Variants in LRRTM2 observed in about 807,000 individuals in gnomAD.
The protein encoded by LRRTM2 is leucine-rich repeat transmembrane neuronal protein 2.
LRRTM2 carries 14 observed loss-of-function variants against 40.7 expected under a neutral mutation model. That is an observed-to-expected ratio of 0.34 (90% CI 0.23 to 0.54). LRRTM2 has a LOEUF of 0.54. Among genes scored for constraint, LRRTM2 ranks in the 20% least tolerant of loss-of-function variants. LRRTM2 has a pLI of 0.92. For synonymous variants in LRRTM2, 223 were observed against 237.6 expected, an observed-to-expected ratio of 0.94 and a Z score of 0.57; for missense variants, 468 against 624.4, an observed-to-expected ratio of 0.75 and a Z score of 2.67.
In LRRTM2 at chr5:138,870,113, G is replaced by A. The variant is rs528239826; in HGVS notation, c.*2897C>T. 106 of 152,276 alleles carry A rather than the reference G, an allele frequency of 7.0e-4. No homozygotes were observed. The highest frequency in any genetic ancestry group is 2.5e-3 in the African/African-American group (102 of 41,560). The allele number at this position is 152,276 out of a possible 1,614,324, so 9.4% of individuals were successfully genotyped here. A position where few individuals can be genotyped will look rare whatever the true frequency, so the allele number is the denominator to read the frequency against. The stretch of plus-strand genomic sequence containing the variant: ...CTAATCTTAAAAATAGAAAAAAAAT[G>A]GAGTGGGTAGTGGTGGTGAAGAGGA... On this transcript the variant is annotated 3_prime_UTR_variant, in exon 2 of 2. Coordinates refer to ENST00000274711, the MANE Select transcript of LRRTM2 (RefSeq NM_015564.3).
chr5:138,874,691 G>T lies in LRRTM2; in HGVS notation c.5-135C>A. ...GCATATAACTTATTTTTCATTTACT[G>T]CAGAAAAATTAACCTTATTGGTATG... On this transcript the variant is annotated intron_variant, in intron 1 of 1. Transcript: ENST00000274711. This position sits in a 1 kb window ranked among gnomAD's most constrained non-coding sequence, Gnocchi z 4.1. 1 of 742,934 alleles carries T rather than the reference G, an allele frequency of 1.3e-6. No individual in the cohort carries two copies. Among genetic ancestry groups the T allele is most frequent in the Non-Finnish European group, 2.1e-6 (1 of 467,618 alleles). 46.0% of individuals were successfully genotyped at this position (742,934 alleles called of 1,614,324 possible). A position where few individuals can be genotyped will look rare whatever the true frequency, so the allele number is the denominator to read the frequency against.
chr5:138,873,370 G>A lies in LRRTM2; in HGVS notation c.1191C>T (p.Ile397=). 1 of 1,614,028 alleles carries A rather than the reference G, an allele frequency of 6.2e-7. No individual in the cohort carries two copies. Among genetic ancestry groups the A allele is most frequent in the South Asian group, 1.1e-5 (1 of 91,086 alleles). ...SSSYHVGDKE[I]PTTAGIAVTT... ...TAACTGCTATGCCTGCAGTAGTTGG[G>A]ATTTCTTTGTCTCCCACATGGTAAC... The change falls in exon 2 of 2, where the codon ATC becomes ATT. Residue 397 remains isoleucine (I), a synonymous_variant. Coordinates refer to ENST00000274711, the MANE Select transcript of LRRTM2 (RefSeq NM_015564.3). The surrounding 1 kb of genome is among the most constrained non-coding windows in gnomAD (Gnocchi z 6.1).
In LRRTM2 at chr5:138,873,268, C is replaced by T. The variant is rs747557733; in HGVS notation, c.1293G>A (p.Leu431=). Residue 431 remains leucine, a synonymous_variant, in exon 2 of 2, where the codon TTG becomes TTA. Transcript: ENST00000274711. This position sits in a 1 kb window ranked among gnomAD's most constrained non-coding sequence, Gnocchi z 6.1. ...QRVITGTMAL[L]FSFFFIIFIV... The stretch of plus-strand genomic sequence containing the variant: ...TAAAAATAATAAAAAAGAAAGAAAA[C>T]AATAAAGCCATTGTTCCCGTAATTA... 1 of 1,613,880 alleles carries T rather than the reference C, an allele frequency of 6.2e-7. No individual in the cohort carries two copies. The highest frequency in any genetic ancestry group is 8.5e-7 in the Non-Finnish European group (1 of 1,179,804).
chr5:138,873,041 T>C lies in LRRTM2; in HGVS notation c.1520A>G (p.Gln507Arg), dbSNP rs1317878696. The C allele has an allele frequency of 3.7e-6, 6 of 1,607,902 alleles. No individual in the cohort carries two copies. Among genetic ancestry groups the C allele is most frequent in the Non-Finnish European group, 5.1e-6 (6 of 1,177,028 alleles). The change falls in exon 2 of 2, where the codon CAG becomes CGG. Residue 507 changes from glutamine to arginine, a missense_variant. Coordinates refer to ENST00000274711, the MANE Select transcript of LRRTM2 (RefSeq NM_015564.3). The surrounding 1 kb of genome is among the most constrained non-coding windows in gnomAD (Gnocchi z 6.1). ...IINGYGQCKCQQLPYKECEV is the reference protein window; with the variant it reads ...IINGYGQCKCRQLPYKECEV ...TTCACATTCTTTGTATGGCAGCTGC[T>C]GACACTTGCACTGTCCATAACCATT...
rs1581373355 is a variant in LRRTM2, at chr5:138,872,043, TGTGTGTGTGTGTGTGTGTGTGTGTGC to T, written c.*941_*966del. On this transcript the variant is annotated 3_prime_UTR_variant, in exon 2 of 2. Coordinates refer to ENST00000274711, the MANE Select transcript of LRRTM2 (RefSeq NM_015564.3). The stretch of plus-strand genomic sequence containing the variant: ...GAGCGCGAGAGTGTGTGTGTGTGTG[TGTGTGTGTGTGTGTGTGTGTGTGTGC>T]GCTTTTAAATTGGAGGGAGCATGTC... The T allele has an allele frequency of 7.4e-6, 1 of 134,240 alleles. No homozygotes were observed. 8.3% of individuals were successfully genotyped at this position (134,240 alleles called of 1,614,324 possible). A position where few individuals can be genotyped will look rare whatever the true frequency, so the allele number is the denominator to read the frequency against.
In LRRTM2 at chr5:138,873,924, C is replaced by T. The variant is rs544871026; in HGVS notation, c.637G>A (p.Glu213Lys). 6.2e-7 allele frequency: 1 copy of T among 1,613,980 alleles called. No homozygotes were observed. The highest frequency in any genetic ancestry group is 2.2e-5 in the East Asian group (1 of 44,880). ...TTAATCTTCGTCAGCTGGTTGTGCT[C>T]TAGGTGAAGCTCTCTCAGTTTAATT... Reference protein sequence around the residue: ...GLIKLRELHLEHNQLTKINFA... With the variant: ...GLIKLRELHLKHNQLTKINFA... Residue 213 changes from glutamate (E) to lysine (K), a missense_variant, in exon 2 of 2, where the codon GAG (glutamate) becomes AAG (lysine). By Grantham distance (56) the Glu-to-Lys change is moderately conservative (BLOSUM62 1). Transcript: ENST00000274711. This position sits in a 1 kb window ranked among gnomAD's most constrained non-coding sequence, Gnocchi z 6.1.
rs757429405 is a variant in LRRTM2, at chr5:138,874,038, G to A, written c.523C>T (p.Arg175Cys). 4 of 1,613,838 alleles carry A rather than the reference G, an allele frequency of 2.5e-6. No homozygotes were observed. Among genetic ancestry groups the A allele is most frequent in the Non-Finnish European group, 2.5e-6 (3 of 1,179,884 alleles). The change falls in exon 2 of 2, where the codon CGC becomes TGC. Residue 175 changes from arginine to cysteine, a missense_variant. Coordinates refer to ENST00000274711, the MANE Select transcript of LRRTM2 (RefSeq NM_015564.3). This position sits in a 1 kb window ranked among gnomAD's most constrained non-coding sequence, Gnocchi z 4.1. Reference sequence around the variant, plus strand: ...AGACTACGACAGTCCCAGAACAGGCGTACTGGGATAGTCCGCAGGGAGTTG... The same window carrying A: ...AGACTACGACAGTCCCAGAACAGGCATACTGGGATAGTCCGCAGGGAGTTG... ...RSNSLRTIPV[R>C]LFWDCRSLEF...
Position 138,874,044 on chromosome 5 carries a change from G to T in LRRTM2, c.517C>A (p.Pro173Thr). The change falls in exon 2 of 2, where the codon CCA becomes ACA. Residue 173 changes from proline to threonine, a missense_variant. By Grantham distance (38) the Pro-to-Thr change is conservative (BLOSUM62 -1). Coordinates refer to ENST00000274711, the MANE Select transcript of LRRTM2 (RefSeq NM_015564.3). This position sits in a 1 kb window ranked among gnomAD's most constrained non-coding sequence, Gnocchi z 4.1. ...HLRSNSLRTI[P>T]VRLFWDCRSL... ...CGACAGTCCCAGAACAGGCGTACTG[G>T]GATAGTCCGCAGGGAGTTGGAACGT... 1 of 1,613,922 alleles carries T rather than the reference G, an allele frequency of 6.2e-7. No homozygotes were observed. The highest frequency in any genetic ancestry group is 8.5e-7 in the Non-Finnish European group (1 of 1,179,864).
Position 138,873,040 on chromosome 5 carries a change from C to T in LRRTM2, c.1521G>A (p.Gln507=), listed in dbSNP as rs752848652. The part of the protein sequence containing the change: ...IINGYGQCKC[Q]QLPYKECEV ...CTTCACATTCTTTGTATGGCAGCTG[C>T]TGACACTTGCACTGTCCATAACCAT... The change falls in exon 2 of 2, where the codon CAG becomes CAA. Residue 507 remains glutamine, a synonymous_variant. Transcript: ENST00000274711. The surrounding 1 kb of genome is among the most constrained non-coding windows in gnomAD (Gnocchi z 6.1). 13 of 1,608,020 alleles carry T rather than the reference C, an allele frequency of 8.1e-6. No homozygotes were observed. The South Asian group carries it at 1.4e-4, about 18-fold the overall frequency.
chr5:138,874,962 G>A lies in LRRTM2; in HGVS notation c.-51C>T, dbSNP rs1015288384. 30 of 1,607,288 alleles carry A rather than the reference G, an allele frequency of 1.9e-5. No individual in the cohort carries two copies. Among genetic ancestry groups the A allele is most frequent in the Non-Finnish European group, 2.4e-5 (28 of 1,175,048 alleles). ...TTCAGTCGCGGTTGTTAGACTCAAC[G>A]CAGTGAGTCTGTAAAAGGCTCTAAC... On this transcript the variant is annotated 5_prime_UTR_variant, in exon 1 of 2. Transcript: ENST00000274711. This position sits in a 1 kb window ranked among gnomAD's most constrained non-coding sequence, Gnocchi z 4.1.
At position 138,871,002 on chromosome 5, in the gene LRRTM2, A is replaced by G. The variant is rs1251846829; in HGVS notation, c.*2008T>C. The G allele has an allele frequency of 1.3e-5, 2 of 152,208 alleles. No homozygotes were observed. Among genetic ancestry groups the G allele is most frequent in the African/African-American group, 4.8e-5 (2 of 41,460 alleles). 9.4% of individuals were successfully genotyped at this position (152,208 alleles called of 1,614,324 possible). A position where few individuals can be genotyped will look rare whatever the true frequency, so the allele number is the denominator to read the frequency against. ...ACAAACTAATCTGCCCACCTTAAAA[A>G]AGAGCACATTTTTACTGTAATTTGT... is the stretch of plus-strand genomic sequence containing the variant. On this transcript the variant is annotated 3_prime_UTR_variant, in exon 2 of 2. Transcript: ENST00000274711.
At position 138,873,211 on chromosome 5, in the gene LRRTM2, G is replaced by C; in HGVS notation, c.1350C>G (p.Pro450=). 6.2e-7 allele frequency: 1 copy of C among 1,613,844 alleles called. No individual in the cohort carries two copies. The highest frequency in any genetic ancestry group is 8.5e-7 in the Non-Finnish European group (1 of 1,179,822). The change falls in exon 2 of 2, where the codon CCC becomes CCG. Residue 450 remains proline (P), a synonymous_variant. Transcript: ENST00000274711. This position sits in a 1 kb window ranked among gnomAD's most constrained non-coding sequence, Gnocchi z 6.1. ...AGCACTGCCTAATTCTTCTTAAAGT[G>C]GGAGGGCAGCACTTCCTGGAGATGA... ...IVFISRKCCP[P]TLRRIRQCSM... is the part of the protein sequence containing the mutation.
In LRRTM2 at chr5:138,874,685, T is replaced by C; in HGVS notation, c.5-129A>G. 7.9e-6 allele frequency: 6 copies of C among 754,826 alleles called. No homozygotes were observed. The highest frequency in any genetic ancestry group is 1.3e-5 in the Non-Finnish European group (6 of 478,088). The allele number at this position is 754,826 out of a possible 1,614,324, so 46.8% of individuals were successfully genotyped here. A position where few individuals can be genotyped will look rare whatever the true frequency, so the allele number is the denominator to read the frequency against. ...TTCACTGCATATAACTTATTTTTCA[T>C]TTACTGCAGAAAAATTAACCTTATT... On this transcript the variant is annotated intron_variant, in intron 1 of 1. Coordinates refer to ENST00000274711, the MANE Select transcript of LRRTM2 (RefSeq NM_015564.3). This position sits in a 1 kb window ranked among gnomAD's most constrained non-coding sequence, Gnocchi z 4.1.
Position 138,873,302 on chromosome 5 carries a change from G to A in LRRTM2, c.1259C>T (p.Thr420Ile). 3.1e-6 allele frequency: 5 copies of A among 1,614,072 alleles called. No homozygotes were observed. Among genetic ancestry groups the A allele is most frequent in the Non-Finnish European group, 4.2e-6 (5 of 1,179,904 alleles). The change falls in exon 2 of 2, where the codon ACT becomes ATT. Residue 420 changes from threonine (T) to isoleucine (I), a missense_variant. Thr to Ile is a moderately conservative substitution (Grantham distance 89). Transcript: ENST00000274711. This position sits in a 1 kb window ranked among gnomAD's most constrained non-coding sequence, Gnocchi z 6.1. ...HFPEPDNAIF[T>I]QRVITGTMAL... is the part of the protein sequence containing the mutation. ...CATTGTTCCCGTAATTACCCGCTGA[G>A]TGAAGATGGCATTGTCTGGTTCAGG... is the stretch of plus-strand genomic sequence containing the variant.
At position 138,869,221 on chromosome 5, in the gene LRRTM2, G is replaced by C. The variant is rs1765105519; in HGVS notation, c.*3789C>G. On this transcript the variant is annotated 3_prime_UTR_variant, in exon 2 of 2. Transcript: ENST00000274711. ...AAGGACAAAAATGTTAGTTGAAAGA[G>C]TTGCAGAGGTTTCCAAATGTTTGCA... 1 of 150,696 alleles carries C rather than the reference G, an allele frequency of 6.6e-6. No homozygotes were observed. Among genetic ancestry groups the C allele is most frequent in the Non-Finnish European group, 1.5e-5 (1 of 67,796 alleles). The allele number at this position is 150,696 out of a possible 1,614,324, so 9.3% of individuals were successfully genotyped here. A position where few individuals can be genotyped will look rare whatever the true frequency, so the allele number is the denominator to read the frequency against.
rs371502167 is a variant in LRRTM2 at position 138,874,016 on chromosome 5, C to T, written c.545G>A (p.Ser182Asn). The T allele has an allele frequency of 4.2e-5, 67 of 1,613,910 alleles. No individual in the cohort carries two copies. The highest frequency in any genetic ancestry group is 5.5e-5 in the Non-Finnish European group (65 of 1,179,904). Reference protein sequence around the residue: ...IPVRLFWDCRSLEFLDLSTNR... With the variant: ...IPVRLFWDCRNLEFLDLSTNR... The stretch of plus-strand genomic sequence containing the variant: ...TGTGCTCAAATCCAGAAACTCCAGA[C>T]TACGACAGTCCCAGAACAGGCGTAC... The change falls in exon 2 of 2, where the codon AGT becomes AAT. Residue 182 changes from serine (S) to asparagine (N), a missense_variant. Ser to Asn is a conservative substitution (Grantham distance 46, BLOSUM62 1). Transcript: ENST00000274711. The surrounding 1 kb of genome is among the most constrained non-coding windows in gnomAD (Gnocchi z 4.1).
chr5:138,874,245 G>C lies in LRRTM2; in HGVS notation c.316C>G (p.Gln106Glu). 1.9e-6 allele frequency: 3 copies of C among 1,614,018 alleles called. No individual in the cohort carries two copies. The highest frequency in any genetic ancestry group is 2.5e-6 in the Non-Finnish European group (3 of 1,179,888). Residue 106 changes from glutamine (Q) to glutamate (E), a missense_variant, in exon 2 of 2, where the codon CAA becomes GAA. Coordinates refer to ENST00000274711, the MANE Select transcript of LRRTM2 (RefSeq NM_015564.3). This position sits in a 1 kb window ranked among gnomAD's most constrained non-coding sequence, Gnocchi z 4.1. ...AATTCCTTAAGTTTATATAGTCCTTGAAAAGCATCTTCTTTTACTGTTGAA... is the reference window on the plus strand; with the variant it reads ...AATTCCTTAAGTTTATATAGTCCTTCAAAAGCATCTTCTTTTACTGTTGAA... ...QISTVKEDAFQGLYKLKELIL... is the reference protein window; with the variant it reads ...QISTVKEDAFEGLYKLKELIL...
chr5:138,872,945 G>A lies in LRRTM2; in HGVS notation c.*65C>T. 1 of 1,174,658 alleles carries A rather than the reference G, an allele frequency of 8.5e-7. No individual in the cohort carries two copies. Among genetic ancestry groups the A allele is most frequent in the Non-Finnish European group, 1.2e-6 (1 of 836,146 alleles). The allele number at this position is 1,174,658 out of a possible 1,614,324, so 72.8% of individuals were successfully genotyped here. On this transcript the variant is annotated 3_prime_UTR_variant, in exon 2 of 2. Coordinates refer to ENST00000274711, the MANE Select transcript of LRRTM2 (RefSeq NM_015564.3). Reference sequence around the variant, plus strand: ...GTCACCATTGGTAAAAATTAGATATGTATTTAGCCTCTACTATGTAAAATA... The same window carrying A: ...GTCACCATTGGTAAAAATTAGATATATATTTAGCCTCTACTATGTAAAATA...
rs906950061 is a variant in LRRTM2 at position 138,871,382 on chromosome 5, G to C, written c.*1628C>G. 6 of 152,098 alleles carry C rather than the reference G, an allele frequency of 3.9e-5. No individual in the cohort carries two copies. Among genetic ancestry groups the C allele is most frequent in the Non-Finnish European group, 8.8e-5 (6 of 68,026 alleles). The allele number at this position is 152,098 out of a possible 1,614,324, so 9.4% of individuals were successfully genotyped here. A position where few individuals can be genotyped will look rare whatever the true frequency, so the allele number is the denominator to read the frequency against. ...GGAACAATGTTTATGGAAAAGTTCTGTGTGAATGAGTAGCTTGCATCTAAA... is the reference window on the plus strand; with the variant it reads ...GGAACAATGTTTATGGAAAAGTTCTCTGTGAATGAGTAGCTTGCATCTAAA... On this transcript the variant is annotated 3_prime_UTR_variant, in exon 2 of 2. Coordinates refer to ENST00000274711, the MANE Select transcript of LRRTM2 (RefSeq NM_015564.3).
Sources: gnomAD v4.1 joint callset for allele counts on GRCh38, gnomAD v4.1.1 for gene constraint, Gnocchi (gnomAD v3.1) non-coding constraint, MANE v1.5 for transcripts, NCBI Gene and HGNC (gene_info 2026-07-23, HGNC 2026-07-21) for gene names.